The following SPART variants were observed in gnomAD, a reference collection of about 807,000 sequenced individuals.
The protein encoded by SPART is spartin, also known as spastic paraplegia 20 (Troyer syndrome).
SPART carries 35 observed loss-of-function variants against 58.7 expected under a neutral mutation model. The ratio of observed to expected loss-of-function variants is 0.60; its 90% confidence interval spans 0.46 to 0.79. The LOEUF (loss-of-function observed/expected upper bound fraction) is 0.79. Ranked by LOEUF, SPART falls within the 30% of genes least tolerant of loss-of-function variation. The pLI is 0.00. For synonymous variants in SPART, 284 were observed against 280.7 expected (o/e 1.01, Z -0.12); for missense variants, 730 against 786.1 (o/e 0.93, Z 0.85).
intron 5 of SPART, among the ~76,000 whole-genome samples, chr13:36,321,645 C>G (rs932269574): frequency 5.3e-5 from 8 of 152,058 alleles, no homozygotes; most frequent in African/African-American, 1.9e-4. Context: ...AAACATCGCC[C>G]ATTCTCTCTC....
At chr13:36,360,144 A>T (rs957104920) in intron 1 of SPART, among the ~76,000 whole-genome samples, 1 of 151,308 alleles carries the variant, frequency 6.6e-6, no homozygotes, top group African/African-American at 2.4e-5. Context: ...AAATACAAAA[A>T]ATTAGCCAGG....
intron 8 of SPART, among the ~76,000 whole-genome samples, chr13:36,306,022 G>A (rs1317804392): frequency 6.6e-6 from 1 of 152,126 alleles, no homozygotes; most frequent in Non-Finnish European, 1.5e-5. Context: ...TTTAACCCCA[G>A]TGTGAAATAA....
rs1025743026 is a variant in SPART at position 36,306,395 on chromosome 13, C to T, written c.1734-1763G>A. 4.0e-5 allele frequency among the ~76,000 whole-genome samples: 6 copies of T among 151,882 alleles called. No homozygotes were observed. The East Asian group carries it at 5.8e-4, about 15-fold the overall frequency. ...AGTTTCAGCACTGAAAAACAGTGAC[C>T]GTAACTCTTGGTGGAGCCGGTTTCC... is the stretch of plus-strand genomic sequence containing the variant. On this transcript the variant is annotated intron_variant, in intron 8 of 8. Transcript: ENST00000438666.
chr13:36,340,840 A>T (rs1419525496), intron 1 of SPART, among the ~76,000 whole-genome samples: 1 of 152,238 alleles, frequency 6.6e-6, no homozygotes, highest in Non-Finnish European at 1.5e-5. Flanking sequence ...AAAACTAAGG[A>T]TTAACTCTAG....
At position 36,314,426 on chromosome 13, in the gene SPART, T is replaced by G; in HGVS notation, c.1289-5A>C. On this transcript the variant is annotated splice_region_variant and splice_polypyrimidine_tract_variant and intron_variant, in intron 5 of 8. Coordinates refer to ENST00000438666, the MANE Select transcript of SPART (RefSeq NM_015087.5). ...CCCAACTCACCCAGGAAGCACCTTTTTAAAAGAAAATTTAAAATTGCACAA... is the reference window on the plus strand; with the variant it reads ...CCCAACTCACCCAGGAAGCACCTTTGTAAAAGAAAATTTAAAATTGCACAA... 6.2e-7 allele frequency: 1 copy of G among 1,614,076 alleles called. No homozygotes were observed. The highest frequency in any genetic ancestry group is 8.5e-7 in the Non-Finnish European group (1 of 1,179,966).
chr13:36,331,587 A>C lies in SPART; in HGVS notation c.820T>G (p.Trp274Gly). ...RPPGFLQVCD[W>G]LYPLVPDRSP... ...CTATCAGGAACTAGAGGATATAACCAGTCACAAACCTGAAAGGATTCATTA... is the reference window on the plus strand; with the variant it reads ...CTATCAGGAACTAGAGGATATAACCCGTCACAAACCTGAAAGGATTCATTA... The change falls in exon 3 of 9, where the codon TGG becomes GGG. Residue 274 changes from tryptophan to glycine, a missense_variant. By Grantham distance (184) the Trp-to-Gly change is radical. Transcript: ENST00000438666. 6.2e-7 allele frequency: 1 copy of C among 1,613,412 alleles called. No homozygotes were observed. Among genetic ancestry groups the C allele is most frequent in the Non-Finnish European group, 8.5e-7 (1 of 1,179,496 alleles).
chr13:36,318,331 C>G (rs1881955825), intron 5 of SPART, among the ~76,000 whole-genome samples: 1 of 152,082 alleles, frequency 6.6e-6, no homozygotes, highest in East Asian at 1.9e-4. Flanking sequence ...TTTCTTTATC[C>G]CAAATCAGAT....
intron 5 of SPART, among the ~76,000 whole-genome samples, chr13:36,319,282 C>T (rs1285253842): frequency 6.6e-5 from 10 of 151,662 alleles, no homozygotes; most frequent in Admixed American, 2.6e-4. Flanking sequence ...CACCCTTCTT[C>T]CCAATCCAAA....
chr13:36,349,109 C>CAAA (rs1287577396), upstream of SPART, among the ~76,000 whole-genome samples: 1 of 152,040 alleles, frequency 6.6e-6, no homozygotes, highest in Non-Finnish European at 1.5e-5. Flanking sequence ...ACTAAAAATA[C>CAAA]AAAATTACCT....
At chr13:36,330,429 TAC>T (rs10547331) in intron 3 of SPART, among the ~76,000 whole-genome samples, 60,386 of 149,864 alleles carry the variant, frequency 0.4, 13,055 homozygotes, top group African/African-American at 0.59. Flanking sequence ...TATATTTTCA[TAC>T]ACACACACAC....
intron 3 of SPART, among the ~76,000 whole-genome samples, chr13:36,330,893 A>ACCCCTTAAAATGT (rs1883395040): frequency 6.6e-6 from 1 of 152,146 alleles, no homozygotes; most frequent in Non-Finnish European, 1.5e-5. Flanking sequence ...TGCCAACCAT[A>ACCCCTTAAAATGT]CCCCTTAAAA....
intron 1 of SPART, chr13:36,369,640 T>C (rs1886856): frequency 0.7 from 106,408 of 152,060 alleles, 37,419 homozygotes; most frequent in East Asian, 0.81. Flanking sequence ...TAACATAATT[T>C]AATGCCCACT....
chr13:36,326,812 T>C, intron 4 of SPART, 114 bp from the exon 5 acceptor site: 9 of 1,173,720 alleles, frequency 7.7e-6, no homozygotes, highest in South Asian at 1.3e-5. Flanking sequence ...TAATGAAAAA[T>C]ATCTCCAGCC....
intron 1 of SPART, among the ~76,000 whole-genome samples, chr13:36,357,663 G>A (rs755228486): frequency 9.2e-5 from 14 of 152,190 alleles, no homozygotes; most frequent in Non-Finnish European, 1.5e-4. Flanking sequence ...GTTATGTTCA[G>A]GTATTCTCTG....
intron 1 of SPART, among the ~76,000 whole-genome samples, chr13:36,358,098 A>G (rs1885690607): frequency 6.6e-6 from 1 of 152,218 alleles, no homozygotes; most frequent in East Asian, 1.9e-4. Context: ...TAAAATGTTC[A>G]TAAGCAAAGT....
In SPART at chr13:36,302,657, G is replaced by A. The variant is rs1594108185; in HGVS notation, c.*1708C>T. On this transcript the variant is annotated 3_prime_UTR_variant, in exon 9 of 9. Coordinates refer to ENST00000438666, the MANE Select transcript of SPART (RefSeq NM_015087.5). ...AGGTGTATATATTTATGGGATACATGAGATATTTTGATACAGGTATGCGAT... is the reference window on the plus strand; with the variant it reads ...AGGTGTATATATTTATGGGATACATAAGATATTTTGATACAGGTATGCGAT... The A allele has an allele frequency of 6.6e-6, 1 of 152,080 alleles. No homozygotes were observed. Among genetic ancestry groups the A allele is most frequent in the East Asian group, 1.9e-4 (1 of 5,196 alleles). 9.4% of individuals were successfully genotyped at this position (152,080 alleles called of 1,614,324 possible). A position where few individuals can be genotyped will look rare whatever the true frequency, so the allele number is the denominator to read the frequency against.
At chr13:36,328,315 A>G (rs1453460371) in intron 4 of SPART, among the ~76,000 whole-genome samples, 1 of 152,228 alleles carries the variant, frequency 6.6e-6, no homozygotes, top group Non-Finnish European at 1.5e-5. Context: ...AGCAATGAAC[A>G]ATACTAAACT....
intron 1 of SPART, among the ~76,000 whole-genome samples, chr13:36,359,930 A>AAAC (rs1885777184): frequency 6.6e-6 from 1 of 151,092 alleles, no homozygotes; most frequent in Non-Finnish European, 1.5e-5. Flanking sequence ...ATTTAAAAAA[A>AAAC]AAAAAAAAAA....
At chr13:36,333,930 A>G (rs558655544) in intron 2 of SPART, among the ~76,000 whole-genome samples, 25 of 152,246 alleles carry the variant, frequency 1.6e-4, no homozygotes, top group Middle Eastern at 3.4e-3. Context: ...AATGCCCTCA[A>G]AGTATCTCCC....
Sources: gnomAD v4.1 joint callset for allele counts (sites outside exome capture counted in the v4.1 genomes callset) on GRCh38, gnomAD v4.1.1 for gene constraint, MANE v1.5 for transcripts, NCBI Gene and HGNC (gene_info 2026-07-23, HGNC 2026-07-21) for gene names.